The following PRKCH variants were observed in gnomAD, a reference collection of about 807,000 sequenced individuals.
PRKCH encodes protein kinase C eta type.
In PRKCH, 28 loss-of-function variants were observed where a neutral mutation model predicts 82.5. That is an observed-to-expected ratio of 0.34 (90% CI 0.25 to 0.47). The LOEUF is 0.47. Among genes scored for constraint, PRKCH ranks in the 20% least tolerant of loss-of-function variants. PRKCH has a pLI of 1.00. For synonymous variants in PRKCH, 322 were observed against 327.4 expected (o/e 0.98, Z 0.18); for missense variants, 705 against 881.8 (o/e 0.80, Z 2.54).
At chr14:61,337,659 C>T (rs995092832) in intron 1 of PRKCH, among the ~76,000 whole-genome samples, 5 of 152,164 alleles carry the variant, frequency 3.3e-5, no homozygotes, top group Admixed American at 6.5e-5. Context: ...TTCCTGACTT[C>T]GAGTGATGCC....
intron 1 of PRKCH, among the ~76,000 whole-genome samples, chr14:61,202,550 C>T (rs1479045551): frequency 6.6e-6 from 1 of 152,118 alleles, no homozygotes; most frequent in African/African-American, 2.4e-5. Flanking sequence ...CTAGGGAGAG[C>T]AGTGGGGGAG....
intron 1 of PRKCH, among the ~76,000 whole-genome samples, chr14:61,223,258 G>C (rs946388671): frequency 1.3e-5 from 2 of 152,196 alleles, no homozygotes; most frequent in African/African-American, 4.8e-5. Context: ...AGAAAGAAAA[G>C]ATCATTTCCA....
intron 1 of PRKCH, among the ~76,000 whole-genome samples, chr14:61,210,471 ACCTGGGGC>A (rs1441404427): frequency 2.0e-5 from 3 of 151,946 alleles, no homozygotes; most frequent in African/African-American, 7.3e-5. Flanking sequence ...GATACAAATT[ACCTGGGGC>A]CCTGGTGTAA....
chr14:61,340,649 C>T (rs532834238), intron 1 of PRKCH, among the ~76,000 whole-genome samples: 13 of 152,152 alleles, frequency 8.5e-5, no homozygotes, highest in African/African-American at 2.7e-4. Flanking sequence ...ATTTCTCACC[C>T]GAGGAAACTG....
At chr14:61,385,178 A>G (rs1478405190) in intron 1 of PRKCH, among the ~76,000 whole-genome samples, 1 of 152,030 alleles carries the variant, frequency 6.6e-6, no homozygotes, top group South Asian at 2.1e-4. Flanking sequence ...GTTCATTTCT[A>G]TGTGGGGCTG....
chr14:61,407,843 T>C (rs1008971198), intron 2 of PRKCH, among the ~76,000 whole-genome samples: 1 of 152,224 alleles, frequency 6.6e-6, no homozygotes, highest in Non-Finnish European at 1.5e-5. Context: ...AGACTGCCCA[T>C]GGGCTGAAAT....
At chr14:61,216,618 A>C (rs55643055) in intron 1 of PRKCH, among the ~76,000 whole-genome samples, 2,983 of 152,302 alleles carry the variant, frequency 0.02, 102 homozygotes, top group African/African-American at 0.067. Flanking sequence ...CTACTTTTCC[A>C]AGTTTACACT....
At chr14:61,540,630 C>A (rs1346990831) in intron 12 of PRKCH, among the ~76,000 whole-genome samples, 1 of 152,222 alleles carries the variant, frequency 6.6e-6, no homozygotes, top group Non-Finnish European at 1.5e-5. Context: ...GAGTATGCAG[C>A]ATACATATAT....
intron 9 of PRKCH, among the ~76,000 whole-genome samples, chr14:61,469,619 C>T (rs1243148873): frequency 6.6e-6 from 1 of 152,218 alleles, no homozygotes; most frequent in African/African-American, 2.4e-5. Context: ...AACCTGACTG[C>T]TTTGGATCAA....
At position 61,322,282 on chromosome 14, in the gene PRKCH, C is replaced by G; in HGVS notation, c.181C>G (p.Gln61Glu). The change falls in exon 1 of 14, where the codon CAG becomes GAG. Residue 61 changes from glutamine (Q) to glutamate (E), a missense_variant. Around this residue, in one of 5 missense-constraint regions of PRKCH, gnomAD observed 246 missense variants for 308.0 expected, o/e 0.80. Coordinates refer to ENST00000332981, the MANE Select transcript of PRKCH (RefSeq NM_006255.5). ...GCGCGTGGGCCAGACCAGCACCAAG[C>G]AGAAGACCAACAAACCCACGTACAA... ...QVRVGQTSTK[Q>E]KTNKPTYNEE... is the part of the protein sequence containing the mutation. The G allele has an allele frequency of 6.2e-7, 1 of 1,613,244 alleles. No individual in the cohort carries two copies. Among genetic ancestry groups the G allele is most frequent in the Non-Finnish European group, 8.5e-7 (1 of 1,179,854 alleles).
At chr14:61,345,683 A>G (rs1441395436) in intron 1 of PRKCH, among the ~76,000 whole-genome samples, 2 of 152,226 alleles carry the variant, frequency 1.3e-5, no homozygotes, top group Non-Finnish European at 2.9e-5. Flanking sequence ...AATACCTTCA[A>G]GATATTCAGA....
At chr14:61,427,254 A>G (rs1483269005) in intron 2 of PRKCH, among the ~76,000 whole-genome samples, 1 of 152,228 alleles carries the variant, frequency 6.6e-6, no homozygotes, top group Non-Finnish European at 1.5e-5. Context: ...GTTATTATCT[A>G]AGGACTTAGA....
chr14:61,242,396 T>C (rs2044846922), intron 1 of PRKCH, among the ~76,000 whole-genome samples: 3 of 152,188 alleles, frequency 2.0e-5, no homozygotes. Flanking sequence ...ATACACTGCA[T>C]ATGTTTGTTT....
chr14:61,293,747 C>T (rs973527761), intron 1 of PRKCH, among the ~76,000 whole-genome samples: 3 of 152,122 alleles, frequency 2.0e-5, no homozygotes, highest in East Asian at 1.9e-4. Flanking sequence ...AAACTTAGAG[C>T]GGTCAGCCTC....
chr14:61,443,286 C>G (rs1212480610), intron 3 of PRKCH, 25 bp downstream of exon 3: 2 of 1,600,700 alleles, frequency 1.2e-6, no homozygotes, highest in African/African-American at 1.3e-5. Flanking sequence ...TACTTCTGTC[C>G]TCCTCAGAGC....
intron 7 of PRKCH, among the ~76,000 whole-genome samples, chr14:61,453,558 T>G (rs1884617303): frequency 6.6e-6 from 1 of 151,562 alleles, no homozygotes; most frequent in Non-Finnish European, 1.5e-5. Context: ...CTTTCTTTCT[T>G]TCTCTCTTTC....
At chr14:61,398,687 G>A (rs908970950) in intron 2 of PRKCH, among the ~76,000 whole-genome samples, 11 of 152,136 alleles carry the variant, frequency 7.2e-5, no homozygotes, top group African/African-American at 2.7e-4. Context: ...CCAACCACCA[G>A]TTAAGAGGAA....
intron 1 of PRKCH, among the ~76,000 whole-genome samples, chr14:61,336,313 A>T (rs968444060): frequency 3.1e-4 from 47 of 152,342 alleles, no homozygotes; most frequent in African/African-American, 1.1e-3. Context: ...GGAGATTTCT[A>T]GTTACTGGTG....
chr14:61,463,711 AT>A (rs143099230), intron 9 of PRKCH, among the ~76,000 whole-genome samples: 3,962 of 152,204 alleles, frequency 0.026, 193 homozygotes, highest in African/African-American at 0.09. Context: ...GTTTATATAT[AT>A]TTTTTTGGTC....
Sources: gnomAD v4.1 joint callset for allele counts (sites outside exome capture counted in the v4.1 genomes callset) on GRCh38, gnomAD v4.1.1 for gene constraint, gnomAD v4.1.1 regional missense constraint, MANE v1.5 for transcripts, NCBI Gene and HGNC (gene_info 2026-07-23, HGNC 2026-07-21) for gene names.